The following DTNA variants were observed in gnomAD, a reference collection of about 807,000 sequenced individuals.
DTNA encodes the protein dystrophin-related protein 3.
DTNA carries 43 observed loss-of-function variants against 100.7 expected under a neutral mutation model. That is an observed-to-expected ratio of 0.43 (90% confidence interval 0.33 to 0.55). DTNA has a LOEUF of 0.55. Among genes scored for constraint, DTNA ranks in the 20% least tolerant of loss-of-function variants. The pLI is 0.04. For synonymous variants in DTNA, 349 were observed against 347.9 expected, an observed-to-expected ratio of 1.00 and a Z score of -0.04; for missense variants, 798 against 953.9, an observed-to-expected ratio of 0.84 and a Z score of 2.15.
intron 16 of DTNA, among the ~76,000 whole-genome samples, chr18:34,858,949 G>A (rs932281783): frequency 6.6e-6 from 1 of 152,108 alleles, no homozygotes; most frequent in Non-Finnish European, 1.5e-5. Context: ...TATCTCACTA[G>A]GAACAATTTA....
chr18:34,890,015 A>G lies in DTNA; in HGVS notation c.*2281A>G. On this transcript the variant is annotated 3_prime_UTR_variant, in exon 23 of 23. Transcript: ENST00000444659. ...CCTATAATGCTGTCAGCTCAAAATC[A>G]TAGCCAGGTAGTTCTTGAACTCAGA... is the stretch of plus-strand genomic sequence containing the variant. 1 of 1,242,516 alleles carries G rather than the reference A, an allele frequency of 8.0e-7. No individual in the cohort carries two copies. The highest frequency in any genetic ancestry group is 1.0e-6 in the Non-Finnish European group (1 of 988,900). 77.0% of individuals were successfully genotyped at this position (1,242,516 alleles called of 1,614,324 possible). A position where few individuals can be genotyped will look rare whatever the true frequency, so the allele number is the denominator to read the frequency against.
intron 3 of DTNA, among the ~76,000 whole-genome samples, chr18:34,788,468 A>G (rs879304317): frequency 1.2e-4 from 18 of 152,196 alleles, no homozygotes; most frequent in Non-Finnish European, 2.2e-4. Flanking sequence ...TCCTCATTTT[A>G]CAGGCGAGGA....
chr18:34,868,670 C>G, intron 17 of DTNA: 2 of 984,708 alleles, frequency 2.0e-6, no homozygotes, highest in Non-Finnish European at 2.4e-6. Context: ...TATATAATTT[C>G]TACTTACATT....
At chr18:34,707,241 G>C (rs2082229646), upstream of DTNA, among the ~76,000 whole-genome samples, 1 of 152,102 alleles carries the variant, frequency 6.6e-6, no homozygotes, top group African/African-American at 2.4e-5. Context: ...GCTTCTATGG[G>C]ACTAGGATTT....
At chr18:34,693,268 G>T (rs1008028559) in intron 1 of DTNA, among the ~76,000 whole-genome samples, 2 of 152,104 alleles carry the variant, frequency 1.3e-5, no homozygotes. Context: ...ATTATTTCAA[G>T]TAATATCCTA....
intron 22 of DTNA, among the ~76,000 whole-genome samples, chr18:34,885,923 CCA>C (rs1269443933): frequency 6.6e-6 from 1 of 152,146 alleles, no homozygotes; most frequent in Non-Finnish European, 1.5e-5. Context: ...ACACTGTGGG[CCA>C]CACTGTTCCG....
chr18:34,609,196 T>C (rs2849504), intron 1 of DTNA, among the ~76,000 whole-genome samples: 1 of 151,730 alleles, frequency 6.6e-6, no homozygotes, highest in South Asian at 2.1e-4. Context: ...TTGTACAAGA[T>C]AAACTATATA....
At chr18:34,649,640 CTT>C (rs2060226375) in intron 1 of DTNA, among the ~76,000 whole-genome samples, 1 of 152,086 alleles carries the variant, frequency 6.6e-6, no homozygotes. Flanking sequence ...ACAGAAAAAA[CTT>C]TTGGTTGTTT....
upstream of DTNA, among the ~76,000 whole-genome samples, chr18:34,707,713 G>A (rs967770543): frequency 1.3e-5 from 2 of 152,144 alleles, no homozygotes; most frequent in Non-Finnish European, 2.9e-5. Flanking sequence ...TCTCTATTCA[G>A]CCAGCCACAC....
rs554372743 is a variant in DTNA at position 34,585,561 on chromosome 18, ATG to A, written c.-2+92054_-2+92055del. Among the ~76,000 whole-genome samples the A allele has an allele frequency of 2.8e-4, 43 of 152,250 alleles. No individual in the cohort carries two copies. The East Asian group carries it at 7.9e-3, about 28-fold the overall frequency. On this transcript the variant is annotated intron_variant, in intron 1 of 19. Coordinates refer to the DTNA transcript ENST00000283365. ...AGCTAAGGGAAGCATGTGTGTGCTC[ATG>A]TGTGTGGTAGGGAGGTAGGTGACAG...
At chr18:34,632,836 C>A (rs777146665) in intron 1 of DTNA, among the ~76,000 whole-genome samples, 1 of 152,016 alleles carries the variant, frequency 6.6e-6, no homozygotes, top group Non-Finnish European at 1.5e-5. Flanking sequence ...TTCTGTTAAG[C>A]TAGTCCACCT....
chr18:34,865,576 G>T (rs2096689605), intron 17 of DTNA, among the ~76,000 whole-genome samples: 1 of 152,046 alleles, frequency 6.6e-6, no homozygotes, highest in South Asian at 2.1e-4. Flanking sequence ...TCTATCTTGG[G>T]TAAGACAAGA....
At chr18:34,729,022 C>T (rs2087432130) in intron 1 of DTNA, among the ~76,000 whole-genome samples, 1 of 151,788 alleles carries the variant, frequency 6.6e-6, no homozygotes, top group Admixed American at 6.6e-5. Context: ...CAGGCAGCCC[C>T]ACCACAATTA....
intron 1 of DTNA, among the ~76,000 whole-genome samples, chr18:34,629,552 T>C (rs1275393000): frequency 6.6e-6 from 1 of 152,198 alleles, no homozygotes; most frequent in African/African-American, 2.4e-5. Context: ...TCTCCTGGGA[T>C]AGGATTTCAT....
At chr18:34,875,460 A>C (rs1014555381) in intron 18 of DTNA, 62 bp downstream of exon 18, 4 of 1,611,488 alleles carry the variant, frequency 2.5e-6, no homozygotes, top group Non-Finnish European at 3.4e-6. Context: ...ACCAAGGTCT[A>C]TTGAGTGGTC....
chr18:34,858,033 G>C (rs1220873006), intron 15 of DTNA, among the ~76,000 whole-genome samples: 4 of 152,110 alleles, frequency 2.6e-5, no homozygotes, highest in South Asian at 4.2e-4. Context: ...TTAACTCAAC[G>C]ACATGCTGCA....
intron 1 of DTNA, among the ~76,000 whole-genome samples, chr18:34,710,818 T>G (rs2082760202): frequency 6.6e-6 from 1 of 152,098 alleles, no homozygotes; most frequent in Non-Finnish European, 1.5e-5. Flanking sequence ...ATGGTCCGCT[T>G]TTCTTAGAGG....
At chr18:34,842,102 C>A (rs1287248157) in intron 13 of DTNA, among the ~76,000 whole-genome samples, 10 of 152,108 alleles carry the variant, frequency 6.6e-5, no homozygotes, top group Non-Finnish European at 2.9e-5. Flanking sequence ...TACCCTCCCC[C>A]AAAGCTTGTC....
At chr18:34,776,897 C>T (rs1235878047) in intron 3 of DTNA, among the ~76,000 whole-genome samples, 3 of 152,182 alleles carry the variant, frequency 2.0e-5, no homozygotes, top group Admixed American at 2.0e-4. Context: ...TGGGAACATA[C>T]CAGGCATGTG....
Sources: gnomAD v4.1 joint callset for allele counts (sites outside exome capture counted in the v4.1 genomes callset) on GRCh38, gnomAD v4.1.1 for gene constraint, MANE v1.5 for transcripts, NCBI Gene and HGNC (gene_info 2026-07-23, HGNC 2026-07-21) for gene names.